GOLGA4: variants seen among roughly 807,000 people sequenced by gnomAD.
GOLGA4 encodes the protein golgin A4, also known as golgin subfamily A member 4.
GOLGA4 carries 169 observed loss-of-function variants against 265.9 expected under a neutral mutation model. That is an observed-to-expected ratio of 0.64 (90% CI 0.56 to 0.72). The LOEUF is 0.72. GOLGA4 is among the 30% of genes least tolerant of loss of function. The pLI is 0.00. For synonymous variants in GOLGA4, 923 were observed against 855.8 expected, an observed-to-expected ratio of 1.08 and a Z score of -1.37; for missense variants, 2,482 against 2,483.4, an observed-to-expected ratio of 1.00 and a Z score of 0.01.
At chr3:37,288,634 G>A (rs1245231167) in intron 4 of GOLGA4, among the ~76,000 whole-genome samples, 3 of 151,836 alleles carry the variant, frequency 2.0e-5, no homozygotes, top group Non-Finnish European at 2.9e-5. Context: ...CTGCCACCAC[G>A]CCTGGCTGAT....
rs73825087 is a variant in GOLGA4 at position 37,349,065 on chromosome 3, G to A, written c.6576+1769G>A. 7.1e-3 allele frequency among the ~76,000 whole-genome samples: 1,084 copies of A among 152,128 alleles called. 14 individuals are homozygous for A. Among genetic ancestry groups the A allele is most frequent in the African/African-American group, 0.025 (1,017 of 41,504 alleles). The stretch of plus-strand genomic sequence containing the variant: ...CTCTCTCCTCTTTATCTTCAGCGTC[G>A]ATTCTCCTTTTCTGGCTCTAAAAAT... On this transcript the variant is annotated intron_variant, in intron 21 of 23. Coordinates refer to ENST00000361924, the MANE Select transcript of GOLGA4 (RefSeq NM_002078.5).
chr3:37,299,115 A>G, intron 8 of GOLGA4, 95 bp downstream of exon 8: 1 of 1,114,056 alleles, frequency 9.0e-7, no homozygotes, highest in Non-Finnish European at 1.3e-6. Context: ...AGGAGAGTGG[A>G]TGGAAAGGGC....
chr3:37,335,009 C>CTT lies in GOLGA4; in HGVS notation c.6193-37_6193-36dup, dbSNP rs11396224. On this transcript the variant is annotated intron_variant, in intron 16 of 23. Transcript: ENST00000361924. ...TTGATGTGTTTGTTTACTAATGCTT[C>CTT]TTTTTTTTCTTTTCCTTTTTTTCTT... 2,154 of 1,219,574 alleles carry CTT rather than the reference C, an allele frequency of 1.8e-3. 20 individuals carry two copies. The African/African-American group carries it at 0.025, about 14-fold the overall frequency. 75.5% of individuals were successfully genotyped at this position (1,219,574 alleles called of 1,614,324 possible). A position where few individuals can be genotyped will look rare whatever the true frequency, so the allele number is the denominator to read the frequency against.
rs190023843 is a variant in GOLGA4 at position 37,322,277 on chromosome 3, C to T, written c.1701+391C>T. Among the ~76,000 whole-genome samples the T allele has an allele frequency of 8.1e-4, 123 of 152,232 alleles. 4 individuals are homozygous for T. In the South Asian group the frequency reaches 0.024, roughly 30 times the overall value. On this transcript the variant is annotated intron_variant, in intron 13 of 23. Coordinates refer to ENST00000361924, the MANE Select transcript of GOLGA4 (RefSeq NM_002078.5). ...TGTCCTGAACGTAATCCAGCCTCTG[C>T]TTATATCACAGTTTAATTACACTAG...
At chr3:37,293,993 G>A (rs2096871647) in intron 5 of GOLGA4, among the ~76,000 whole-genome samples, 1 of 152,172 alleles carries the variant, frequency 6.6e-6, no homozygotes, top group Non-Finnish European at 1.5e-5. Flanking sequence ...AAAAAGCCCT[G>A]TAAAAATACG....
intron 9 of GOLGA4, among the ~76,000 whole-genome samples, chr3:37,301,324 G>A (rs2096892034): frequency 6.6e-6 from 1 of 152,218 alleles, no homozygotes; most frequent in Admixed American, 6.5e-5. Flanking sequence ...TTGGAGGAAT[G>A]GAGATGCCTT....
chr3:37,290,841 C>T (rs535779199), intron 5 of GOLGA4, among the ~76,000 whole-genome samples: 3 of 152,094 alleles, frequency 2.0e-5, no homozygotes, highest in Non-Finnish European at 2.9e-5. Flanking sequence ...TTTTGTTTCT[C>T]CTGCCTTATA....
intron 20 of GOLGA4, among the ~76,000 whole-genome samples, chr3:37,342,504 A>G (rs1357317493): frequency 6.6e-6 from 1 of 152,026 alleles, no homozygotes; most frequent in African/African-American, 2.4e-5. Context: ...CTTGTTCTTT[A>G]TCATTTACCA....
At chr3:37,282,742 A>G (rs997113209) in intron 3 of GOLGA4, among the ~76,000 whole-genome samples, 2 of 152,160 alleles carry the variant, frequency 1.3e-5, no homozygotes, top group Admixed American at 6.5e-5. Flanking sequence ...TTCTCATTGT[A>G]CCTACATTTA....
intron 1 of GOLGA4, among the ~76,000 whole-genome samples, chr3:37,246,619 G>C (rs577241828): frequency 1.3e-5 from 2 of 152,302 alleles, no homozygotes; most frequent in East Asian, 3.9e-4. Context: ...AGAGAGGAGA[G>C]AATGGGGAGT....
intron 16 of GOLGA4, among the ~76,000 whole-genome samples, chr3:37,330,251 A>C (rs986498840): frequency 1.8e-4 from 28 of 152,140 alleles, no homozygotes; most frequent in African/African-American, 6.5e-4. Context: ...AGTGTAGTTA[A>C]GTAATTTCCC....
At chr3:37,305,128 A>G (rs970701991) in intron 10 of GOLGA4, among the ~76,000 whole-genome samples, 1 of 152,076 alleles carries the variant, frequency 6.6e-6, no homozygotes, top group Non-Finnish European at 1.5e-5. Flanking sequence ...TGTGTTGGCC[A>G]GGCTGGTCTC....
chr3:37,334,931 T>A lies in GOLGA4; in HGVS notation c.6193-122T>A, dbSNP rs367569872. ...GTGTCTCAAAAACTTAAATGTTTAT[T>A]TCCCTACAGAGGTAGTTTTCTCTAT... On this transcript the variant is annotated intron_variant, in intron 16 of 23. Coordinates refer to ENST00000361924, the MANE Select transcript of GOLGA4 (RefSeq NM_002078.5). 5.7e-4 allele frequency: 336 copies of A among 588,068 alleles called. 5 individuals carry two copies. Among genetic ancestry groups the A allele is most frequent in the African/African-American group, 5.5e-3 (294 of 53,604 alleles). 36.4% of individuals were successfully genotyped at this position (588,068 alleles called of 1,614,324 possible). A position where few individuals can be genotyped will look rare whatever the true frequency, so the allele number is the denominator to read the frequency against.
At position 37,324,998 on chromosome 3, in the gene GOLGA4, C is replaced by T. The variant is rs776532250; in HGVS notation, c.3112C>T (p.Arg1038Ter). ...AGAAAGTCTTACTGAGGTTCATCGA[C>T]GAGAACTCAATGATGTCATATCAAT... ...QIESLTEVHR[R>*]ELNDVISIWE... Residue 1038 changes from arginine to a stop codon, truncating the protein, a stop_gained, in exon 14 of 24, where the codon CGA becomes TGA. Transcript: ENST00000361924. LOFTEE classifies it high-confidence loss of function. 1.2e-6 allele frequency: 2 copies of T among 1,612,398 alleles called. No individual in the cohort carries two copies. The highest frequency in any genetic ancestry group is 1.3e-5 in the African/African-American group (1 of 74,810).
intron 4 of GOLGA4, among the ~76,000 whole-genome samples, chr3:37,288,311 A>G (rs970670305): frequency 5.3e-5 from 8 of 149,714 alleles, no homozygotes; most frequent in African/African-American, 1.7e-4. Flanking sequence ...GGGTTTCACT[A>G]TGTTGAACAG....
intron 11 of GOLGA4, 80 bp from the exon 12 acceptor site, chr3:37,318,983 A>G: frequency 1.1e-6 from 1 of 944,506 alleles, no homozygotes; most frequent in Non-Finnish European, 1.5e-6. Flanking sequence ...GTTTGAGTAA[A>G]TTATAATAGT....
intron 10 of GOLGA4, among the ~76,000 whole-genome samples, chr3:37,311,475 A>G (rs2096922977): frequency 6.6e-6 from 1 of 152,160 alleles, no homozygotes; most frequent in South Asian, 2.1e-4. Context: ...ATGGAGCTCG[A>G]TCCATTTCAG....
intron 13 of GOLGA4, among the ~76,000 whole-genome samples, chr3:37,322,127 C>T (rs1273758171): frequency 6.6e-6 from 1 of 152,164 alleles, no homozygotes; most frequent in Non-Finnish European, 1.5e-5. Flanking sequence ...ACTCAGTCTG[C>T]TGCTTTTCAC....
chr3:37,328,266 A>ACACACACT (rs1326253456), intron 14 of GOLGA4, 150 bp from the exon 15 acceptor site: 5 of 678,126 alleles, frequency 7.4e-6, no homozygotes, highest in Non-Finnish European at 1.3e-5. Flanking sequence ...ACACACACAC[A>ACACACACT]CACTCACTCT....
Sources: gnomAD v4.1 joint callset for allele counts (sites outside exome capture counted in the v4.1 genomes callset) on GRCh38, gnomAD v4.1.1 for gene constraint, MANE v1.5 for transcripts, NCBI Gene and HGNC (gene_info 2026-07-23, HGNC 2026-07-21) for gene names.